Variants in RPRD1B observed in about 807,000 individuals in gnomAD.
RPRD1B encodes the protein regulation of nuclear pre-mRNA domain containing 1B, also known as regulation of nuclear pre-mRNA domain-containing protein 1B.
A neutral mutation model predicts 41.5 loss-of-function variants in RPRD1B; 11 were observed. The ratio of observed to expected loss-of-function variants is 0.27; its 90% CI spans 0.17 to 0.44. The LOEUF is 0.44. Among genes scored for constraint, RPRD1B ranks in the 20% least tolerant of loss-of-function variants. The pLI, the probability that RPRD1B is intolerant of heterozygous loss-of-function variation, is 1.00. For missense variants in RPRD1B, 248 were observed against 389.9 expected (o/e 0.64, Z 3.06); for synonymous variants, 158 against 155.6 (o/e 1.02, Z -0.12).
At chr20:38,042,585 T>C (rs767909047) in intron 2 of RPRD1B, among the ~76,000 whole-genome samples, 2 of 84,128 alleles carry the variant, frequency 2.4e-5, no homozygotes, top group Non-Finnish European at 4.2e-5. Context: ...TCTGTTTGCA[T>C]TCTGGTTCTT....
At chr20:38,087,240 A>G (rs982188338) in intron 6 of RPRD1B, among the ~76,000 whole-genome samples, 1 of 152,208 alleles carries the variant, frequency 6.6e-6, no homozygotes, top group Non-Finnish European at 1.5e-5. Context: ...GATTATAGGC[A>G]TGAGCCACTG....
Position 38,091,134 on chromosome 20 carries a change from T to G in RPRD1B, c.*1259T>G, listed in dbSNP as rs1292490823. The G allele has an allele frequency of 1.0e-6, 1 of 985,728 alleles. No individual in the cohort carries two copies. Among genetic ancestry groups the G allele is most frequent in the East Asian group, 1.1e-4 (1 of 8,832 alleles). 61.1% of individuals were successfully genotyped at this position (985,728 alleles called of 1,614,324 possible). A position where few individuals can be genotyped will look rare whatever the true frequency, so the allele number is the denominator to read the frequency against. ...TGTAAATCATTCTAATTTGGCAGGC[T>G]TATTTTTGACATTGGAAAGGGCAGA... On this transcript the variant is annotated 3_prime_UTR_variant, in exon 7 of 7. Coordinates refer to ENST00000373433, the MANE Select transcript of RPRD1B (RefSeq NM_021215.4).
intron 3 of RPRD1B, 33 bp downstream of exon 3, chr20:38,048,514 G>A (rs1478853403): frequency 6.4e-7 from 1 of 1,558,660 alleles, no homozygotes; most frequent in East Asian, 2.3e-5. Context: ...ACAGCTCTTG[G>A]TCTTTGCCTA....
chr20:38,079,914 C>T (rs917580396), intron 6 of RPRD1B, among the ~76,000 whole-genome samples: 8 of 152,112 alleles, frequency 5.3e-5, no homozygotes, highest in African/African-American at 1.7e-4. Context: ...AATAGCCATT[C>T]TGATTGGTAT....
chr20:38,081,595 G>A (rs6068740), intron 6 of RPRD1B, among the ~76,000 whole-genome samples: 31,233 of 151,998 alleles, frequency 0.21, 3,562 homozygotes, highest in African/African-American at 0.31. Context: ...TGTGTTGAAC[G>A]GGGGTGGCAA....
intron 6 of RPRD1B, chr20:38,070,552 G>A (rs2074401557): frequency 1.0e-6 from 1 of 985,316 alleles, no homozygotes; most frequent in Non-Finnish European, 1.2e-6. Context: ...AAGCTCATAA[G>A]ACATAGCGTG....
chr20:38,089,437 G>C (rs1057361327), intron 6 of RPRD1B, among the ~76,000 whole-genome samples: 1 of 152,126 alleles, frequency 6.6e-6, no homozygotes, highest in African/African-American at 2.4e-5. Context: ...CCAACAAAAA[G>C]AGAATGCAAA....
intron 6 of RPRD1B, chr20:38,070,628 G>C: frequency 1.0e-6 from 1 of 985,350 alleles, no homozygotes; most frequent in South Asian, 4.7e-5. Flanking sequence ...TGTTCTGTTA[G>C]CATGATCAGT....
intron 3 of RPRD1B, among the ~76,000 whole-genome samples, chr20:38,050,645 A>G (rs2074175947): frequency 6.6e-6 from 1 of 152,224 alleles, no homozygotes; most frequent in South Asian, 2.1e-4. Flanking sequence ...GGGAGAAAAG[A>G]GTGAGGAATA....
intron 2 of RPRD1B, among the ~76,000 whole-genome samples, chr20:38,046,413 T>C (rs1050844071): frequency 4.6e-5 from 7 of 152,344 alleles, no homozygotes; most frequent in East Asian, 1.9e-4. Context: ...TTGACAGATA[T>C]TCATTGTGCT....
chr20:38,041,730 A>G (rs1202359090), intron 2 of RPRD1B, among the ~76,000 whole-genome samples: 1 of 152,188 alleles, frequency 6.6e-6, no homozygotes, highest in African/African-American at 2.4e-5. Context: ...TGGATGTGTT[A>G]CTTAACTTTT....
chr20:38,078,804 A>ATT (rs199762397), intron 6 of RPRD1B, among the ~76,000 whole-genome samples: 11 of 151,564 alleles, frequency 7.3e-5, no homozygotes, highest in African/African-American at 2.7e-4. Flanking sequence ...AAATTCTGTG[A>ATT]TTTTTTTTTG....
intron 1 of RPRD1B, 125 bp downstream of exon 1, chr20:38,034,223 G>A (rs2073967726): frequency 9.1e-7 from 1 of 1,098,380 alleles, no homozygotes; most frequent in African/African-American, 1.6e-5. Flanking sequence ...TTCTGAGATG[G>A]GAGACAAAGT....
At chr20:38,060,331 C>G (rs1341960041) in intron 5 of RPRD1B, among the ~76,000 whole-genome samples, 1 of 152,240 alleles carries the variant, frequency 6.6e-6, no homozygotes, top group South Asian at 2.1e-4. Context: ...TTTCCCACTC[C>G]AGTCCCTTGA....
chr20:38,034,786 C>G (rs1416583934), intron 1 of RPRD1B, among the ~76,000 whole-genome samples: 1 of 151,640 alleles, frequency 6.6e-6, no homozygotes, highest in African/African-American at 2.4e-5. Context: ...CAGGTTCTGA[C>G]AGACAATTCA....
chr20:38,077,201 A>G (rs942483458), intron 6 of RPRD1B, among the ~76,000 whole-genome samples: 1 of 152,000 alleles, frequency 6.6e-6, no homozygotes, highest in African/African-American at 2.4e-5. Flanking sequence ...TACAGACATG[A>G]GCCACTGCAC....
chr20:38,040,931 A>C (rs531510311), intron 2 of RPRD1B, among the ~76,000 whole-genome samples: 10 of 152,304 alleles, frequency 6.6e-5, no homozygotes, highest in African/African-American at 2.4e-4. Context: ...TAATAGCAAG[A>C]AATTAATTGC....
At chr20:38,068,641 C>G (rs565531170) in intron 6 of RPRD1B, among the ~76,000 whole-genome samples, 1 of 152,302 alleles carries the variant, frequency 6.6e-6, no homozygotes, top group South Asian at 2.1e-4. Flanking sequence ...GTCAAGTGAT[C>G]TGGCCGCTTC....
intron 6 of RPRD1B, among the ~76,000 whole-genome samples, chr20:38,082,678 C>T (rs547127229): frequency 1.4e-4 from 22 of 152,196 alleles, no homozygotes; most frequent in South Asian, 2.1e-4. Context: ...TGAGCCACCA[C>T]GCCCGGCCTG....
Sources: allele counts gnomAD v4.1 joint callset (sites outside exome capture counted in the v4.1 genomes callset), GRCh38; gene constraint gnomAD v4.1.1; transcripts MANE v1.5; gene names NCBI Gene and HGNC (gene_info 2026-07-23, HGNC 2026-07-21).